The following MED27 variants were observed in gnomAD, a reference collection of about 807,000 sequenced individuals.
MED27 encodes the protein mediator of RNA polymerase II transcription subunit 27.
A neutral mutation model predicts 38.2 loss-of-function variants in MED27; 30 were observed. The ratio of observed to expected loss-of-function variants is 0.79; its 90% CI spans 0.59 to 1.07. MED27 has a LOEUF of 1.07. MED27 is among the 50% of genes least tolerant of loss of function. MED27 has a pLI of 0.00. For synonymous variants in MED27, 122 were observed against 153.5 expected (o/e 0.79, Z 1.52); for missense variants, 289 against 397.5 (o/e 0.73, Z 2.32).
intron 2 of MED27, among the ~76,000 whole-genome samples, chr9:132,063,082 T>A (rs771156097): frequency 3.3e-5 from 5 of 152,154 alleles, no homozygotes; most frequent in Non-Finnish European, 7.4e-5. Flanking sequence ...GTGGGAGTAT[T>A]TGCTCATTCA....
intron 3 of MED27, among the ~76,000 whole-genome samples, chr9:131,968,951 G>A (rs978060736): frequency 1.3e-5 from 2 of 152,134 alleles, no homozygotes; most frequent in South Asian, 2.1e-4. Context: ...TAGCTTGCAC[G>A]CTCCTTATGA....
At chr9:131,867,769 A>T (rs1838761353) in intron 6 of MED27, among the ~76,000 whole-genome samples, 1 of 152,232 alleles carries the variant, frequency 6.6e-6, no homozygotes, top group African/African-American at 2.4e-5. Context: ...GGATGCTAAA[A>T]TGCATGAGAA....
At chr9:131,905,107 A>G (rs1268580668) in intron 4 of MED27, among the ~76,000 whole-genome samples, 1 of 152,258 alleles carries the variant, frequency 6.6e-6, no homozygotes, top group African/African-American at 2.4e-5. Context: ...TAGCTCATTT[A>G]ATTTATAAAA....
At chr9:132,001,211 G>A (rs1832226806) in intron 3 of MED27, among the ~76,000 whole-genome samples, 1 of 152,168 alleles carries the variant, frequency 6.6e-6, no homozygotes, top group Non-Finnish European at 1.5e-5. Flanking sequence ...TGGGGTGAGG[G>A]TGAAAGGAAT....
chr9:131,896,038 A>G (rs959217126), intron 4 of MED27, among the ~76,000 whole-genome samples: 1 of 152,120 alleles, frequency 6.6e-6, no homozygotes, highest in Non-Finnish European at 1.5e-5. Context: ...AGCTGGGACT[A>G]TAGGTGTGCA....
chr9:132,001,473 T>C (rs1462339901), intron 3 of MED27, among the ~76,000 whole-genome samples: 1 of 152,240 alleles, frequency 6.6e-6, no homozygotes, highest in Non-Finnish European at 1.5e-5. Flanking sequence ...CAATGCATTA[T>C]GCTTAGTCAT....
intron 4 of MED27, among the ~76,000 whole-genome samples, chr9:131,916,860 T>C (rs1168269302): frequency 2.0e-5 from 3 of 152,126 alleles, no homozygotes; most frequent in Non-Finnish European, 2.9e-5. Context: ...ACAATCCTCT[T>C]TGCACACAGC....
intron 2 of MED27, among the ~76,000 whole-genome samples, chr9:132,065,220 T>C (rs1365854489): frequency 6.6e-6 from 1 of 152,202 alleles, no homozygotes; most frequent in Non-Finnish European, 1.5e-5. Flanking sequence ...TTAACACGTA[T>C]AGCGGCATCA....
chr9:132,020,640 T>A (rs1008134233), intron 2 of MED27, among the ~76,000 whole-genome samples: 1 of 152,192 alleles, frequency 6.6e-6, no homozygotes, highest in Non-Finnish European at 1.5e-5. Flanking sequence ...TGAGAAAGAA[T>A]CATGTATTAC....
chr9:131,968,754 C>A (rs540607298), intron 3 of MED27, among the ~76,000 whole-genome samples: 1 of 152,210 alleles, frequency 6.6e-6, no homozygotes, highest in African/African-American at 2.4e-5. Flanking sequence ...GGGTACCAGT[C>A]TGAGCCTGTT....
At chr9:131,867,235 G>A (rs990913558) in intron 6 of MED27, among the ~76,000 whole-genome samples, 6 of 152,176 alleles carry the variant, frequency 3.9e-5, no homozygotes, top group Admixed American at 1.3e-4. Context: ...GGTGGAGCCA[G>A]GGGCCTGAAA....
At chr9:132,048,270 G>T (rs1389015628) in intron 2 of MED27, among the ~76,000 whole-genome samples, 1 of 151,534 alleles carries the variant, frequency 6.6e-6, no homozygotes, top group African/African-American at 2.4e-5. Flanking sequence ...TTTTCTCTCA[G>T]GAATGGAAAA....
In MED27 at chr9:131,876,610, C is replaced by T. The variant is rs143774230; in HGVS notation, c.723+7448G>A. ...GGATTAAGCCTAACGACCCTCCCTG[C>T]GGCTCTCAGCTCCCAGAGCCCCGCG... On this transcript the variant is annotated intron_variant, in intron 6 of 7. Coordinates refer to ENST00000292035, the MANE Select transcript of MED27 (RefSeq NM_004269.4). 6.2e-4 allele frequency among the ~76,000 whole-genome samples: 94 copies of T among 152,256 alleles called. 1 individual carries two copies. Among genetic ancestry groups the T allele is most frequent in the Middle Eastern group, 3.4e-3 (1 of 294 alleles).
At chr9:131,902,216 T>G (rs1829961587) in intron 4 of MED27, among the ~76,000 whole-genome samples, 1 of 152,108 alleles carries the variant, frequency 6.6e-6, no homozygotes, top group Non-Finnish European at 1.5e-5. Context: ...CTTGTAGCAT[T>G]TTTTAAAAAG....
chr9:131,893,811 T>G lies in MED27; in HGVS notation c.681+74A>C. The G allele has an allele frequency of 2.9e-6, 3 of 1,032,314 alleles. No individual in the cohort carries two copies. In the South Asian group the frequency reaches 4.0e-5, roughly 14 times the overall value. 63.9% of individuals were successfully genotyped at this position (1,032,314 alleles called of 1,614,324 possible). ...CTATGATTGCTAGTTTTTAATGCCA[T>G]TCATCTGGAATTCGACTACACTTGT... On this transcript the variant is annotated intron_variant, in intron 5 of 7. Coordinates refer to ENST00000292035, the MANE Select transcript of MED27 (RefSeq NM_004269.4).
rs184886320 is a variant in MED27, at chr9:132,026,212, C to T, written c.349-11745G>A. On this transcript the variant is annotated intron_variant, in intron 2 of 7. Coordinates refer to ENST00000292035, the MANE Select transcript of MED27 (RefSeq NM_004269.4). The stretch of plus-strand genomic sequence containing the variant: ...ATATTCACGCATCCATCACCAACCA[C>T]GTCCATCCAGAGGAAGAGCCCAGAT... Among the ~76,000 whole-genome samples, 13 of 152,326 alleles carry T rather than the reference C, an allele frequency of 8.5e-5. No individual in the cohort carries two copies. In the South Asian group the frequency reaches 1.0e-3, roughly 12 times the overall value.
Position 131,925,124 on chromosome 9 carries a change from C to T in MED27, c.573+14257G>A, listed in dbSNP as rs373438648. On this transcript the variant is annotated intron_variant, in intron 4 of 7. Transcript: ENST00000292035. ...GCAAAAATCACTCCCAGTTAAGAAC[C>T]ACTGTCCTAAACCAAGCAATTCCAC... Among the ~76,000 whole-genome samples the T allele has an allele frequency of 2.6e-4, 39 of 152,304 alleles. No homozygotes were observed. The South Asian group carries it at 6.2e-3, about 24-fold the overall frequency.
At chr9:131,978,359 C>A (rs866205284) in intron 3 of MED27, among the ~76,000 whole-genome samples, 1 of 152,152 alleles carries the variant, frequency 6.6e-6, no homozygotes, top group Non-Finnish European at 1.5e-5. Context: ...CCAATTCAAA[C>A]AAACTGCTTA....
Position 131,860,714 on chromosome 9 carries a change from G to A in MED27, c.802-42C>T, listed in dbSNP as rs540415757. On this transcript the variant is annotated intron_variant, in intron 7 of 7. Transcript: ENST00000292035. The surrounding 1 kb of genome is among the most constrained non-coding windows in gnomAD (Gnocchi z 5.8). ...GGAGAGAAGTGAAAGAATGGGATAC[G>A]GGTGCTCCCAAAGTCCTCCTTCCTA... is the stretch of plus-strand genomic sequence containing the variant. 2.5e-5 allele frequency: 40 copies of A among 1,603,410 alleles called. No individual in the cohort carries two copies. In the Middle Eastern group the frequency reaches 5.0e-4, roughly 20 times the overall value.
Sources: allele counts gnomAD v4.1 joint callset (sites outside exome capture counted in the v4.1 genomes callset), GRCh38; gene constraint gnomAD v4.1.1; non-coding constraint Gnocchi (gnomAD v3.1); transcripts MANE v1.5; gene names NCBI Gene and HGNC (gene_info 2026-07-23, HGNC 2026-07-21).